ZNF474: variants seen among roughly 807,000 people sequenced by gnomAD.
ZNF474 encodes zinc finger protein 474.
For missense variants in ZNF474, 511 were observed against 433.8 expected, an observed-to-expected ratio of 1.18 and a Z score of -1.58; for synonymous variants, 192 against 162.2, an observed-to-expected ratio of 1.18 and a Z score of -1.39.
intron 1 of ZNF474, among the ~76,000 whole-genome samples, chr5:122,141,300 A>AT (rs368273210): frequency 0.016 from 1,052 of 64,100 alleles, 25 homozygotes; most frequent in African/African-American, 0.047. Flanking sequence ...ACCCCTGGCT[A>AT]TTTTTTTTTT....
chr5:122,129,715 C>T (rs778170651), intron 1 of ZNF474, 32 bp downstream of exon 1: 2 of 152,230 alleles, frequency 1.3e-5, no homozygotes, highest in Non-Finnish European at 2.9e-5. Flanking sequence ...GTGAGGCTCT[C>T]GCAGGGTGTG....
chr5:122,152,508 G>A lies in ZNF474; in HGVS notation c.518G>A (p.Arg173His), dbSNP rs2560306. The A allele has an allele frequency of 0.061, 97,951 of 1,613,948 alleles. 5,348 individuals are homozygous for A. Among genetic ancestry groups the A allele is most frequent in the African/African-American group, 0.29 (21,566 of 74,938 alleles). The part of the protein sequence containing the change: ...AQLLPCESCG[R>H]TFLPDHLLVH... ...CTGCTGCCCTGTGAATCCTGTGGCC[G>A]CACATTCTTGCCAGATCATCTTCTT... is the stretch of plus-strand genomic sequence containing the variant. Residue 173 changes from arginine to histidine, a missense_variant, in exon 2 of 2, where the codon CGC becomes CAC. Coordinates refer to ENST00000296600, the MANE Select transcript of ZNF474 (RefSeq NM_207317.3).
rs1397993189 is a variant in ZNF474, at chr5:122,153,491, A to G, written c.*406A>G. On this transcript the variant is annotated 3_prime_UTR_variant, in exon 2 of 2. Coordinates refer to ENST00000296600, the MANE Select transcript of ZNF474 (RefSeq NM_207317.3). Reference sequence around the variant, plus strand: ...GGCAATGCTGGGTTATGCTGAGTTTATCTTACTAAAATAGAATCTGTGTCA... The same window carrying G: ...GGCAATGCTGGGTTATGCTGAGTTTGTCTTACTAAAATAGAATCTGTGTCA... The G allele has an allele frequency of 5.4e-6, 1 of 183,978 alleles. No individual in the cohort carries two copies. Among genetic ancestry groups the G allele is most frequent in the Non-Finnish European group, 1.3e-5 (1 of 79,374 alleles). 11.4% of individuals were successfully genotyped at this position (183,978 alleles called of 1,614,324 possible).
At chr5:122,136,033 C>T (rs972129682) in intron 1 of ZNF474, among the ~76,000 whole-genome samples, 4 of 151,806 alleles carry the variant, frequency 2.6e-5, no homozygotes, top group Non-Finnish European at 5.9e-5. Context: ...GTTAATGAGC[C>T]TAAAAATACA....
chr5:122,148,184 A>G (rs995084270), intron 1 of ZNF474, among the ~76,000 whole-genome samples: 2 of 152,256 alleles, frequency 1.3e-5, no homozygotes, highest in African/African-American at 2.4e-5. Context: ...CTGCTGTGCC[A>G]TGGCATGTTG....
At chr5:122,139,957 G>GA (rs1337615773) in intron 1 of ZNF474, among the ~76,000 whole-genome samples, 1 of 152,194 alleles carries the variant, frequency 6.6e-6, no homozygotes, top group Non-Finnish European at 1.5e-5. Context: ...GGAGAAGAGT[G>GA]AAAAAAGAGG....
intron 1 of ZNF474, among the ~76,000 whole-genome samples, chr5:122,145,067 G>C (rs910221382): frequency 1.3e-5 from 2 of 152,114 alleles, no homozygotes; most frequent in African/African-American, 2.4e-5. Context: ...TTTTTTCATA[G>C]CTTTTCTAAC....
intron 1 of ZNF474, among the ~76,000 whole-genome samples, chr5:122,140,851 G>C (rs150133844): frequency 4.3e-4 from 65 of 152,176 alleles, no homozygotes; most frequent in African/African-American, 1.5e-3. Flanking sequence ...CAATGTTCTT[G>C]TGCTATTTTA....
Position 122,152,603 on chromosome 5 carries a change from CTTA to C in ZNF474, c.614_616del (p.Leu205_Thr206delinsPro). On this transcript the variant is annotated inframe_deletion, in exon 2 of 2. Transcript: ENST00000296600. Reference sequence around the variant, plus strand: ...ACCACACTCAAACAGTTCTGATCATCTTACTGGCCTCAAGAAAGCTTGTAGTGG... The same window carrying C: ...ACCACACTCAAACAGTTCTGATCATCCTGGCCTCAAGAAAGCTTGTAGTGG... 6.2e-7 allele frequency: 1 copy of C among 1,614,224 alleles called. No homozygotes were observed. Among genetic ancestry groups the C allele is most frequent in the Non-Finnish European group, 8.5e-7 (1 of 1,180,046 alleles).
intron 1 of ZNF474, among the ~76,000 whole-genome samples, chr5:122,132,786 T>A (rs1755611785): frequency 6.6e-6 from 1 of 152,220 alleles, no homozygotes; most frequent in Non-Finnish European, 1.5e-5. Flanking sequence ...CAAAAATGAA[T>A]TGATCATGTA....
At position 122,152,410 on chromosome 5, in the gene ZNF474, GTC is replaced by G. The variant is rs1237817509; in HGVS notation, c.425_426del (p.Leu142GlnfsTer12). ...GGAGGCCAGAACCCTCCAAACCACA[GTC>G]TCTCAGCAGCAGTGGGTCCTACAGT... ...LRRPEPSKPQ[S>X]LSSSGSYSLQ... is the part of the protein sequence containing the mutation. On this transcript the variant is annotated frameshift_variant, in exon 2 of 2. Coordinates refer to ENST00000296600, the MANE Select transcript of ZNF474 (RefSeq NM_207317.3). LOFTEE classifies it low-confidence loss of function (END_TRUNC). 1 of 1,614,198 alleles carries G rather than the reference GTC, an allele frequency of 6.2e-7. No individual in the cohort carries two copies. Among genetic ancestry groups the G allele is most frequent in the East Asian group, 2.2e-5 (1 of 44,870 alleles).
intron 1 of ZNF474, among the ~76,000 whole-genome samples, chr5:122,148,269 T>A (rs2152606416): frequency 6.6e-6 from 1 of 152,364 alleles, no homozygotes; most frequent in African/African-American, 2.4e-5. Flanking sequence ...TTTCACTGGC[T>A]TCCAGCTACC....
chr5:122,152,262 G>A lies in ZNF474; in HGVS notation c.272G>A (p.Arg91Lys). ...QLSPPVIPAR[R>K]PGFRVCYICG... ...AGCCCCCCTGTGATCCCGGCCCGCA[G>A]GCCTGGATTCCGGGTATGCTATATC... The change falls in exon 2 of 2, where the codon AGG (arginine) becomes AAG (lysine). Residue 91 changes from arginine to lysine, a missense_variant. Transcript: ENST00000296600. 6.2e-7 allele frequency: 1 copy of A among 1,614,160 alleles called. No homozygotes were observed. The highest frequency in any genetic ancestry group is 8.5e-7 in the Non-Finnish European group (1 of 1,180,042).
At chr5:122,136,243 T>C (rs1005210014) in intron 1 of ZNF474, among the ~76,000 whole-genome samples, 2 of 152,158 alleles carry the variant, frequency 1.3e-5, no homozygotes, top group Non-Finnish European at 2.9e-5. Flanking sequence ...TATCAAAATA[T>C]CATACCTATG....
intron 1 of ZNF474, among the ~76,000 whole-genome samples, chr5:122,151,368 G>T (rs1018452610): frequency 6.6e-6 from 1 of 152,028 alleles, no homozygotes; most frequent in African/African-American, 2.4e-5. Context: ...GTTTCTGTGG[G>T]GCCCAGGGGG....
At position 122,151,999 on chromosome 5, in the gene ZNF474, A is replaced by G. The variant is rs1334443992; in HGVS notation, c.9A>G (p.Arg3=). 2 of 1,608,068 alleles carry G rather than the reference A, an allele frequency of 1.2e-6. No individual in the cohort carries two copies. Among genetic ancestry groups the G allele is most frequent in the East Asian group, 2.2e-5 (1 of 44,856 alleles). ...GAAAGACATCTTTGTTAATGGAAAGAGGAAAGAAGAAAAGAATTTCCAATA... is the reference window on the plus strand; with the variant it reads ...GAAAGACATCTTTGTTAATGGAAAGGGGAAAGAAGAAAAGAATTTCCAATA... ME[R]GKKKRISNKL... The change falls in exon 2 of 2, where the codon AGA becomes AGG. Residue 3 remains arginine (R), a synonymous_variant. Transcript: ENST00000296600.
intron 1 of ZNF474, among the ~76,000 whole-genome samples, chr5:122,146,631 G>A (rs1318451326): frequency 1.4e-4 from 21 of 152,028 alleles, no homozygotes; most frequent in Admixed American, 1.3e-3. Flanking sequence ...TTAGTATTAG[G>A]TTTCCATGTG....
chr5:122,130,201 A>G (rs182278389), intron 1 of ZNF474, among the ~76,000 whole-genome samples: 52 of 152,240 alleles, frequency 3.4e-4, no homozygotes, highest in Admixed American at 1.3e-3. Context: ...CATGGAGTAA[A>G]TTGTAACCAA....
chr5:122,148,494 A>C (rs538996886), intron 1 of ZNF474, among the ~76,000 whole-genome samples: 1 of 152,318 alleles, frequency 6.6e-6, no homozygotes, highest in Admixed American at 6.5e-5. Context: ...ATGGCTTCAA[A>C]CTGAGCACTA....
Sources: allele counts gnomAD v4.1 joint callset (sites outside exome capture counted in the v4.1 genomes callset), GRCh38; gene constraint gnomAD v4.1.1; transcripts MANE v1.5; gene names NCBI Gene and HGNC (gene_info 2026-07-23, HGNC 2026-07-21).